THSD4: variants seen among roughly 807,000 people sequenced by gnomAD.
THSD4 encodes thrombospondin type-1 domain-containing protein 4.
THSD4 carries 69 observed loss-of-function variants against 119.0 expected under a neutral mutation model. The ratio of observed to expected loss-of-function variants is 0.58; its 90% CI spans 0.48 to 0.71. THSD4 has a LOEUF of 0.71. THSD4 is among the 30% of genes least tolerant of loss of function. The pLI is 0.00. For missense variants in THSD4, 1,393 were observed against 1,391.1 expected (o/e 1.00, Z -0.02); for synonymous variants, 524 against 540.4 (o/e 0.97, Z 0.42).
intron 4 of THSD4, among the ~76,000 whole-genome samples, chr15:71,222,190 C>T (rs1366973791): frequency 6.6e-6 from 1 of 152,180 alleles, no homozygotes; most frequent in Non-Finnish European, 1.5e-5. Context: ...CCCAAGTACA[C>T]AACCTAACAG....
chr15:71,723,521 T>G (rs2052762106), intron 8 of THSD4, among the ~76,000 whole-genome samples: 1 of 152,224 alleles, frequency 6.6e-6, no homozygotes, highest in South Asian at 2.1e-4. Flanking sequence ...TGTGTAAACA[T>G]TCAATTCTTA....
chr15:71,577,721 T>TTATTTTATTC, intron 7 of THSD4, among the ~76,000 whole-genome samples: 1 of 143,264 alleles, frequency 7.0e-6, no homozygotes, highest in African/African-American at 2.6e-5. Context: ...TTATTTTATT[T>TTATTTTATTC]TATTTTATTT....
At chr15:71,341,978 A>G (rs556755656) in intron 6 of THSD4, among the ~76,000 whole-genome samples, 14 of 152,270 alleles carry the variant, frequency 9.2e-5, no homozygotes, top group African/African-American at 2.9e-4. Context: ...AAATTACTCC[A>G]TATCCTACCA....
chr15:71,116,236 C>T (rs866394168), intron 1 of THSD4, among the ~76,000 whole-genome samples: 16 of 152,248 alleles, frequency 1.1e-4, no homozygotes, highest in South Asian at 8.3e-4. Flanking sequence ...CCAGCGAGCG[C>T]CTGGAGCCCG....
intron 7 of THSD4, among the ~76,000 whole-genome samples, chr15:71,549,382 G>T (rs2048892243): frequency 6.6e-6 from 1 of 152,058 alleles, no homozygotes. Context: ...GTGAGTGCGT[G>T]TGTGTTTCTG....
intron 6 of THSD4, among the ~76,000 whole-genome samples, chr15:71,375,508 T>G (rs1343541827): frequency 2.0e-5 from 3 of 152,204 alleles, no homozygotes; most frequent in Non-Finnish European, 2.9e-5. Flanking sequence ...CTACTGTGTC[T>G]TTTTTGGGAG....
chr15:71,711,564 A>C (rs748223030), intron 8 of THSD4, among the ~76,000 whole-genome samples: 2 of 152,198 alleles, frequency 1.3e-5, no homozygotes, highest in Non-Finnish European at 2.9e-5. Flanking sequence ...GAGCAATAAA[A>C]TAGAGCGAAA....
At chr15:71,535,189 A>G (rs2048672369) in intron 7 of THSD4, among the ~76,000 whole-genome samples, 2 of 152,106 alleles carry the variant, frequency 1.3e-5, no homozygotes, top group South Asian at 2.1e-4. Flanking sequence ...GTCTCCATAC[A>G]TTTGCCTATA....
chr15:71,365,773 TAGG>T (rs1227573385), intron 6 of THSD4, among the ~76,000 whole-genome samples: 3 of 152,104 alleles, frequency 2.0e-5, no homozygotes, highest in East Asian at 1.9e-4. Flanking sequence ...AGTAATTTAG[TAGG>T]AGAAGTTATT....
At chr15:71,674,796 C>T (rs1451570634) in intron 8 of THSD4, among the ~76,000 whole-genome samples, 1 of 151,974 alleles carries the variant, frequency 6.6e-6, no homozygotes, top group African/African-American at 2.4e-5. Flanking sequence ...TGGCATCTGT[C>T]GATAGAGGCC....
At chr15:71,741,670 C>A (rs2053237504) in intron 11 of THSD4, among the ~76,000 whole-genome samples, 1 of 144,538 alleles carries the variant, frequency 6.9e-6, no homozygotes, top group Admixed American at 7.2e-5. Context: ...CCCATATACA[C>A]CCATGTGTGC....
rs1239496880 is a variant in THSD4 at position 71,589,676 on chromosome 15, G to A, written c.1153-70854G>A. On this transcript the variant is annotated intron_variant, in intron 7 of 17. Transcript: ENST00000261862. ...CTTGGCCTAAAATGTATTTCTTACT[G>A]TTGGTTTCAGTAAAAAGTTTGAAAA... Among the ~76,000 whole-genome samples, 2 of 139,442 alleles carry A rather than the reference G, an allele frequency of 1.4e-5. 1 individual carries two copies. The highest frequency in any genetic ancestry group is 3.3e-5 in the Non-Finnish European group (2 of 61,252). The allele number at this position is 139,442 out of a possible 152,430, so 91.5% of individuals were successfully genotyped here.
chr15:71,641,893 A>G (rs897788218), intron 7 of THSD4, among the ~76,000 whole-genome samples: 3 of 152,184 alleles, frequency 2.0e-5, no homozygotes, highest in Admixed American at 6.5e-5. Flanking sequence ...TGAGCTAGAA[A>G]CCGAGGGTTC....
At chr15:71,536,889 T>G (rs2048695261) in intron 7 of THSD4, among the ~76,000 whole-genome samples, 1 of 152,176 alleles carries the variant, frequency 6.6e-6, no homozygotes, top group Non-Finnish European at 1.5e-5. Context: ...GAAAAGACTA[T>G]TCTTCCCTTA....
chr15:71,713,642 A>G (rs529740027), intron 8 of THSD4, among the ~76,000 whole-genome samples: 25 of 152,276 alleles, frequency 1.6e-4, no homozygotes, highest in African/African-American at 6.0e-4. Flanking sequence ...TCAGATGACT[A>G]CTGTGAGCTT....
intron 8 of THSD4, among the ~76,000 whole-genome samples, chr15:71,690,011 A>G (rs555181412): frequency 2.5e-4 from 38 of 152,344 alleles, no homozygotes; most frequent in Non-Finnish European, 1.8e-4. Context: ...CTGGTGATGC[A>G]TGAAATAGAG....
chr15:71,526,520 C>T (rs1182787273), intron 7 of THSD4, among the ~76,000 whole-genome samples: 1 of 151,768 alleles, frequency 6.6e-6, no homozygotes, highest in African/African-American at 2.4e-5. Context: ...TTTTTTATTC[C>T]TGAAAGAAAC....
At chr15:71,342,176 C>T (rs2045588520) in intron 6 of THSD4, 1 of 190,224 alleles carries the variant, frequency 5.3e-6, no homozygotes. Flanking sequence ...TATTTAATAA[C>T]ATCTACTAAA....
chr15:71,714,778 T>C (rs1384292726), intron 8 of THSD4, among the ~76,000 whole-genome samples: 1 of 152,140 alleles, frequency 6.6e-6, no homozygotes, highest in African/African-American at 2.4e-5. Flanking sequence ...GAGGTTGCAG[T>C]GAGCCAAGAT....
Sources: allele counts gnomAD v4.1 joint callset (sites outside exome capture counted in the v4.1 genomes callset), GRCh38; gene constraint gnomAD v4.1.1; transcripts MANE v1.5; gene names NCBI Gene and HGNC (gene_info 2026-07-23, HGNC 2026-07-21).